Variants in DNAH14 observed in about 807,000 individuals in gnomAD.
The protein encoded by DNAH14 is dynein axonemal heavy chain 14.
DNAH14 carries 478 observed loss-of-function variants against 520.9 expected under a neutral mutation model. The observed-to-expected ratio is 0.92, with a 90% confidence interval of 0.85 to 0.99. The LOEUF (loss-of-function observed/expected upper bound fraction) is 0.99, where lower values mean the gene tolerates loss of function less well. DNAH14 is among the 50% of genes least tolerant of loss of function. DNAH14 has a pLI of 0.00. For missense variants in DNAH14, 4,831 were observed against 5,234.5 expected (o/e 0.92, Z 2.38); for synonymous variants, 1,581 against 1,757.2 (o/e 0.90, Z 2.51).
chr1:225,035,298 GCTCT>G (rs60442271), intron 11 of DNAH14, among the ~76,000 whole-genome samples: 111,857 of 151,522 alleles, frequency 0.74, 44,150 homozygotes, highest in Non-Finnish European at 0.88. Flanking sequence ...TTGGGTGTTT[GCTCT>G]CTCTGTTTTT....
chr1:225,214,458 G>T (rs1427838120), intron 41 of DNAH14, among the ~76,000 whole-genome samples: 1 of 152,156 alleles, frequency 6.6e-6, no homozygotes, highest in Non-Finnish European at 1.5e-5. Flanking sequence ...TTTTTCTACT[G>T]ATTGGAATAG....
chr1:225,159,253 A>G, intron 34 of DNAH14, 61 bp from the exon 35 acceptor site: 3 of 1,325,228 alleles, frequency 2.3e-6, no homozygotes, highest in Non-Finnish European at 1.0e-6. Flanking sequence ...AATGGTCTTC[A>G]GTGTCTGCAG....
chr1:224,968,830 A>G lies in DNAH14; in HGVS notation c.723A>G (p.Arg241=). The change falls in exon 7 of 86, where the codon AGA becomes AGG. Residue 241 remains arginine, a synonymous_variant. Transcript: ENST00000682510. ...CTTTGGAATGGCTATCAGAAAGAAGACATTACTATTTATTACGGCAATTCA... is the reference window on the plus strand; with the variant it reads ...CTTTGGAATGGCTATCAGAAAGAAGGCATTACTATTTATTACGGCAATTCA... ...IPTLEWLSER[R]HYYLLRQFKI... is the part of the protein sequence containing the mutation. 1 of 1,545,324 alleles carries G rather than the reference A, an allele frequency of 6.5e-7. No homozygotes were observed. Among genetic ancestry groups the G allele is most frequent in the South Asian group, 1.2e-5 (1 of 82,720 alleles).
chr1:224,985,875 A>T (rs866950726), intron 8 of DNAH14, among the ~76,000 whole-genome samples: 2 of 150,016 alleles, frequency 1.3e-5, no homozygotes, highest in African/African-American at 4.9e-5. Context: ...AAAAAAGAAT[A>T]AAAAAAAATG....
chr1:225,166,776 C>T (rs1156385304), intron 35 of DNAH14, among the ~76,000 whole-genome samples: 1 of 152,084 alleles, frequency 6.6e-6, no homozygotes, highest in African/African-American at 2.4e-5. Context: ...TTGTTGAAAC[C>T]GCATCATTGA....
rs114722773 is a variant in DNAH14, at chr1:225,240,192, A to G, written c.6519-401A>G. The stretch of plus-strand genomic sequence containing the variant: ...ATACAGATAAACTGTCAGCTAATGA[A>G]CTGACCTAAAATAAAAATGAAACAT... On this transcript the variant is annotated intron_variant, in intron 42 of 85. Coordinates refer to ENST00000682510, the MANE Select transcript of DNAH14 (RefSeq NM_001367479.1). 4.6e-3 allele frequency among the ~76,000 whole-genome samples: 706 copies of G among 151,870 alleles called. 3 individuals are homozygous for G. Among genetic ancestry groups the G allele is most frequent in the African/African-American group, 0.016 (659 of 41,494 alleles).
intron 55 of DNAH14, 131 bp from the exon 56 acceptor site, chr1:225,300,738 T>TA: frequency 9.0e-6 from 9 of 995,890 alleles, no homozygotes; most frequent in Admixed American, 3.0e-5. Context: ...GAGATTAGCT[T>TA]TAAAAAAAAA....
At chr1:224,999,729 T>C (rs1189519916) in intron 8 of DNAH14, among the ~76,000 whole-genome samples, 2 of 152,234 alleles carry the variant, frequency 1.3e-5, no homozygotes, top group East Asian at 3.9e-4. Context: ...ATATGTCTCT[T>C]TGTGTAGCTT....
At chr1:225,247,847 G>A (rs1265541642) in intron 43 of DNAH14, among the ~76,000 whole-genome samples, 5 of 151,962 alleles carry the variant, frequency 3.3e-5, no homozygotes, top group African/African-American at 9.7e-5. Flanking sequence ...GTGAAACCCC[G>A]TCTCTACTAA....
chr1:225,120,335 A>C (rs1254066158), intron 26 of DNAH14, among the ~76,000 whole-genome samples: 1 of 152,200 alleles, frequency 6.6e-6, no homozygotes, highest in Admixed American at 6.5e-5. Flanking sequence ...CCAGCAAAAT[A>C]TCTCAAGCAC....
chr1:225,115,269 G>A (rs2076786069), intron 23 of DNAH14, among the ~76,000 whole-genome samples: 1 of 152,316 alleles, frequency 6.6e-6, no homozygotes, highest in African/African-American at 2.4e-5. Flanking sequence ...AGCCAGCACA[G>A]CACTGAGTCT....
intron 15 of DNAH14, among the ~76,000 whole-genome samples, chr1:225,046,391 A>G (rs2067967403): frequency 6.6e-6 from 1 of 152,136 alleles, no homozygotes; most frequent in Admixed American, 6.5e-5. Context: ...TCATATTATA[A>G]AAACATTCTC....
chr1:225,247,410 T>C (rs1025107599), intron 43 of DNAH14, among the ~76,000 whole-genome samples: 2 of 151,666 alleles, frequency 1.3e-5, no homozygotes, highest in African/African-American at 2.4e-5. Flanking sequence ...AATAAGTAAA[T>C]AAAAAGAAAT....
intron 23 of DNAH14, among the ~76,000 whole-genome samples, chr1:225,107,624 T>C (rs1010275667): frequency 6.6e-6 from 1 of 152,242 alleles, no homozygotes; most frequent in South Asian, 2.1e-4. Context: ...GCAGGGGCTC[T>C]CCAAAGCACA....
At position 225,301,007 on chromosome 1, in the gene DNAH14, TC is replaced by T. The variant is rs1558312242; in HGVS notation, c.8609del (p.Ser2870PhefsTer18). On this transcript the variant is annotated frameshift_variant, in exon 56 of 86. Transcript: ENST00000682510. LOFTEE classifies it high-confidence loss of function. ...EQSGHMDNRQSLLSFFQKRIY... is the reference protein window; with the variant it reads ...EQSGHMDNRQXLLSFFQKRIY... ...ATCTGGTCATATGGATAATAGGCAATCTTTACTTTCATTCTTTCAAAAGGTA... is the reference window on the plus strand; with the variant it reads ...ATCTGGTCATATGGATAATAGGCAATTTTACTTTCATTCTTTCAAAAGGTA... The T allele has an allele frequency of 6.5e-7, 1 of 1,549,036 alleles. No homozygotes were observed. Among genetic ancestry groups the T allele is most frequent in the Admixed American group, 2.0e-5 (1 of 50,620 alleles).
chr1:225,316,890 AT>A (rs554725901), intron 60 of DNAH14, among the ~76,000 whole-genome samples: 384 of 152,288 alleles, frequency 2.5e-3, no homozygotes, highest in Non-Finnish European at 4.6e-3. Flanking sequence ...TATTATAGTG[AT>A]TTTATAATAT....
chr1:225,335,948 TATATATAC>T (rs1164050306), intron 66 of DNAH14, among the ~76,000 whole-genome samples: 5 of 121,912 alleles, frequency 4.1e-5, no homozygotes, highest in Admixed American at 2.6e-4. Flanking sequence ...TACATATATG[TATATATAC>T]ACATATACAT....
At position 225,273,101 on chromosome 1, in the gene DNAH14, A is replaced by G; in HGVS notation, c.7986A>G (p.Ser2662=). ...AAAGCCTTTTCTATCGGTTGCTTTC[A>G]AGGGAACTTGAGAACTGTTTTCAGG... ...TDKSLFYRLL[S]RELENCFQIQ... is the part of the protein sequence containing the mutation. The change falls in exon 52 of 86, where the codon TCA becomes TCG. Residue 2662 remains serine (S), a synonymous_variant. Transcript: ENST00000682510. 1 of 1,550,140 alleles carries G rather than the reference A, an allele frequency of 6.5e-7. No individual in the cohort carries two copies. The highest frequency in any genetic ancestry group is 1.4e-5 in the African/African-American group (1 of 72,994).
intron 66 of DNAH14, 65 bp from the exon 67 acceptor site, chr1:225,337,201 C>A: frequency 1.5e-6 from 2 of 1,297,082 alleles, no homozygotes; most frequent in Non-Finnish European, 2.2e-6. Context: ...TTTTAGTACC[C>A]TGTAGGATAC....
Sources: allele counts gnomAD v4.1 joint callset (sites outside exome capture counted in the v4.1 genomes callset), GRCh38; gene constraint gnomAD v4.1.1; transcripts MANE v1.5; gene names NCBI Gene and HGNC (gene_info 2026-07-23, HGNC 2026-07-21).